KYNU: variants seen among roughly 807,000 people sequenced by gnomAD.
KYNU encodes L-kynurenine hydrolase.
Under a neutral mutation model 59.2 loss-of-function variants are expected in KYNU, and 54 were observed. The observed-to-expected ratio is 0.91, with a 90% CI of 0.73 to 1.14. The LOEUF (loss-of-function observed/expected upper bound fraction) is 1.14. Ranked by LOEUF, KYNU falls within the 50% of genes most tolerant of loss-of-function variation. KYNU has a pLI of 0.00. For synonymous variants in KYNU, 177 were observed against 192.0 expected (o/e 0.92, Z 0.65); for missense variants, 567 against 554.4 (o/e 1.02, Z -0.23).
chr2:142,957,367 G>A (rs1057433891), intron 6 of KYNU, among the ~76,000 whole-genome samples: 6 of 152,022 alleles, frequency 3.9e-5, no homozygotes, highest in Admixed American at 3.9e-4. Flanking sequence ...TTTTGACTTA[G>A]ATTAGATGAT....
intron 2 of KYNU, among the ~76,000 whole-genome samples, chr2:142,916,745 A>T (rs1682680198): frequency 6.6e-6 from 1 of 152,216 alleles, no homozygotes. Flanking sequence ...CTTTCCAGGG[A>T]ATAAGAAGCA....
In KYNU at chr2:142,957,983, T is replaced by C. The variant is rs147025455; in HGVS notation, c.582+268T>C. 55 of 363,522 alleles carry C rather than the reference T, an allele frequency of 1.5e-4. No homozygotes were observed. The East Asian group carries it at 2.8e-3, about 18-fold the overall frequency. 22.5% of individuals were successfully genotyped at this position (363,522 alleles called of 1,614,324 possible). ...CACTGGATTCTGCCATATTCTTCAATGGGATGGGAAAAGGGTGACAAATTT... is the reference window on the plus strand; with the variant it reads ...CACTGGATTCTGCCATATTCTTCAACGGGATGGGAAAAGGGTGACAAATTT... On this transcript the variant is annotated intron_variant, in intron 7 of 13. Transcript: ENST00000264170.
intron 2 of KYNU, among the ~76,000 whole-genome samples, chr2:142,901,829 T>C (rs1053109010): frequency 1.8e-4 from 27 of 152,180 alleles, no homozygotes; most frequent in Admixed American, 1.7e-3. Context: ...GAAGTCCTTT[T>C]TTTACAAAGG....
chr2:143,020,750 A>G (rs1337293408), intron 10 of KYNU, among the ~76,000 whole-genome samples: 1 of 152,230 alleles, frequency 6.6e-6, no homozygotes, highest in Non-Finnish European at 1.5e-5. Context: ...TGCACTGAGT[A>G]TAATTATACA....
intron 10 of KYNU, among the ~76,000 whole-genome samples, chr2:142,987,458 T>C (rs1461867899): frequency 1.3e-5 from 2 of 151,982 alleles, no homozygotes; most frequent in South Asian, 2.1e-4. Context: ...AGGGATTGTA[T>C]TGTGCTCACA....
At chr2:143,023,587 G>A (rs1686467527) in intron 10 of KYNU, among the ~76,000 whole-genome samples, 1 of 151,564 alleles carries the variant, frequency 6.6e-6, no homozygotes, top group African/African-American at 2.4e-5. Context: ...GTGTTGGTGT[G>A]GTATTGTGTT....
At chr2:142,961,494 C>A (rs990254304) in intron 8 of KYNU, among the ~76,000 whole-genome samples, 12 of 152,046 alleles carry the variant, frequency 7.9e-5, no homozygotes, top group African/African-American at 2.9e-4. Flanking sequence ...TACTATAAAT[C>A]ACTCTATAAA....
intron 4 of KYNU, among the ~76,000 whole-genome samples, chr2:142,938,384 C>T (rs1477332207): frequency 1.3e-5 from 2 of 152,198 alleles, no homozygotes; most frequent in Non-Finnish European, 2.9e-5. Context: ...AGATACTCCA[C>T]CGCAGCCACG....
chr2:142,903,926 C>T (rs901065258), intron 2 of KYNU, among the ~76,000 whole-genome samples: 1 of 152,186 alleles, frequency 6.6e-6, no homozygotes, highest in African/African-American at 2.4e-5. Context: ...CCTCCGAAGT[C>T]GTGCTTGCCT....
chr2:142,905,759 GTGGGT>G (rs1431894594), intron 2 of KYNU, among the ~76,000 whole-genome samples: 3 of 152,222 alleles, frequency 2.0e-5, no homozygotes, highest in Non-Finnish European at 4.4e-5. Context: ...TGGGCCATTT[GTGGGT>G]TACTGGGTTA....
chr2:142,895,315 G>T (rs1681832897), intron 2 of KYNU, among the ~76,000 whole-genome samples: 2 of 152,052 alleles, frequency 1.3e-5, no homozygotes, highest in South Asian at 4.2e-4. Context: ...TCTAATCCCT[G>T]ATAACCACTA....
At chr2:142,960,532 CA>C in intron 7 of KYNU, 91 bp from the exon 8 acceptor site, 1 of 1,208,892 alleles carries the variant, frequency 8.3e-7, no homozygotes, top group Non-Finnish European at 1.2e-6. Flanking sequence ...TTTTATAATG[CA>C]AAAGGGCTCA....
intron 8 of KYNU, among the ~76,000 whole-genome samples, chr2:142,979,222 A>G (rs1207238636): frequency 6.6e-6 from 1 of 152,192 alleles, no homozygotes; most frequent in Non-Finnish European, 1.5e-5. Context: ...ACTTCATTCT[A>G]AAAGATGTCA....
In KYNU at chr2:143,042,648, G is replaced by GTGTA. The variant is rs1687092626; in HGVS notation, c.*477_*478insGTAT. Reference sequence around the variant, plus strand: ...TATATATATGTGTGTGTGTGTGTGTGTATATATATATATATATATCATATA... The same window carrying GTGTA: ...TATATATATGTGTGTGTGTGTGTGTGTGTATATATATATATATATATATCATATA... On this transcript the variant is annotated 3_prime_UTR_variant, in exon 14 of 14. Transcript: ENST00000264170. 2 of 91,724 alleles carry GTGTA rather than the reference G, an allele frequency of 2.2e-5. No individual in the cohort carries two copies. Among genetic ancestry groups the GTGTA allele is most frequent in the African/African-American group, 7.7e-5 (2 of 26,066 alleles). 5.7% of individuals were successfully genotyped at this position (91,724 alleles called of 1,614,324 possible). A position where few individuals can be genotyped will look rare whatever the true frequency, so the allele number is the denominator to read the frequency against.
At chr2:142,959,996 C>T (rs910790519) in intron 7 of KYNU, among the ~76,000 whole-genome samples, 16 of 152,226 alleles carry the variant, frequency 1.1e-4, no homozygotes, top group Middle Eastern at 3.4e-3. Context: ...GCACTATTCT[C>T]GTGCTTCCGC....
At chr2:143,018,582 C>A (rs1327447880) in intron 10 of KYNU, among the ~76,000 whole-genome samples, 1 of 151,138 alleles carries the variant, frequency 6.6e-6, no homozygotes, top group Non-Finnish European at 1.5e-5. Flanking sequence ...ATGCCACCAG[C>A]TTTGTTATTT....
chr2:142,982,458 G>A (rs1036600222), intron 8 of KYNU, among the ~76,000 whole-genome samples: 4 of 152,064 alleles, frequency 2.6e-5, no homozygotes, highest in Admixed American at 2.0e-4. Context: ...TGGATAATAT[G>A]TATTCATTGT....
chr2:142,996,269 T>C (rs1417249455), intron 10 of KYNU, among the ~76,000 whole-genome samples: 2 of 152,102 alleles, frequency 1.3e-5, no homozygotes, highest in African/African-American at 2.4e-5. Context: ...TGGCTGATGA[T>C]AGATGAATAG....
Position 143,049,984 on chromosome 2 carries a change from C to T in KYNU, c.*7812C>T, listed in dbSNP as rs1390848293. On this transcript the variant is annotated 3_prime_UTR_variant, in exon 14 of 14. Coordinates refer to ENST00000264170, the MANE Select transcript of KYNU (RefSeq NM_003937.3). ...TTCTTGTTTTCGGTTTTTTTCCAATCACATAAGTAGGATTTACCTGAATAT... is the reference window on the plus strand; with the variant it reads ...TTCTTGTTTTCGGTTTTTTTCCAATTACATAAGTAGGATTTACCTGAATAT... 6.7e-6 allele frequency: 1 copy of T among 149,028 alleles called. No homozygotes were observed. The highest frequency in any genetic ancestry group is 1.5e-5 in the Non-Finnish European group (1 of 67,418). 9.2% of individuals were successfully genotyped at this position (149,028 alleles called of 1,614,324 possible). A position where few individuals can be genotyped will look rare whatever the true frequency, so the allele number is the denominator to read the frequency against.
Sources: gnomAD v4.1 joint callset for allele counts (sites outside exome capture counted in the v4.1 genomes callset) on GRCh38, gnomAD v4.1.1 for gene constraint, MANE v1.5 for transcripts, NCBI Gene and HGNC (gene_info 2026-07-23, HGNC 2026-07-21) for gene names.